RANBP2: variants seen among roughly 807,000 people sequenced by gnomAD.
The protein encoded by RANBP2 is E3 SUMO-protein ligase RanBP2.
Under a neutral mutation model 303.6 loss-of-function variants are expected in RANBP2, and 57 were observed. The observed-to-expected ratio is 0.19, with a 90% confidence interval of 0.15 to 0.23. The LOEUF (loss-of-function observed/expected upper bound fraction) is 0.23, where lower values mean the gene tolerates loss of function less well. RANBP2 is among the 10% of genes least tolerant of loss of function. The probability of loss-of-function intolerance (pLI) is 1.00; values close to 1 mark genes in which losing one functional copy is unlikely to be tolerated. For synonymous variants in RANBP2, 1,167 were observed against 1,301.5 expected (o/e 0.90, Z 2.23); for missense variants, 3,138 against 3,780.8 (o/e 0.83, Z 4.46).
rs535137769 is a variant in RANBP2 at position 108,766,234 on chromosome 2, A to C, written c.5695A>C (p.Lys1899Gln). Residue 1899 changes from lysine to glutamine, a missense_variant, in exon 20 of 29, where the codon AAA (lysine) becomes CAA (glutamine). By Grantham distance (53) the Lys-to-Gln change is moderately conservative. Transcript: ENST00000283195. ...CATCCCTGTGTCTGCTGATGGATTT[A>C]AATTTGGCATTTCGGAACCAGGAAA... Reference protein sequence around the residue: ...FSIPVSADGFKFGISEPGNQE... With the variant: ...FSIPVSADGFQFGISEPGNQE... The C allele has an allele frequency of 4.3e-6, 7 of 1,612,256 alleles. No individual in the cohort carries two copies. In the East Asian group the frequency reaches 1.6e-4, roughly 36 times the overall value.
At chr2:109,022,371 G>A in the RANBP2 span, among the ~76,000 whole-genome samples, 1 of 152,244 alleles carries the variant, frequency 6.6e-6, no homozygotes, top group Non-Finnish European at 1.5e-5. Flanking sequence ...CTCAGGCATC[G>A]TGGCAATTAT....
At chr2:109,448,089 A>G in the RANBP2 span, among the ~76,000 whole-genome samples, 1 of 152,136 alleles carries the variant, frequency 6.6e-6, no homozygotes, top group Non-Finnish European at 1.5e-5. Flanking sequence ...GCTGAGTGAC[A>G]TACCCAGTGT....
At chr2:109,574,649 A>G in the RANBP2 span, 440 of 1,607,042 alleles carry the variant, frequency 2.7e-4, no homozygotes, top group Non-Finnish European at 3.6e-4. Context: ...GGTGAAATGA[A>G]GTAGAGACAC....
At chr2:109,579,966 C>T in the RANBP2 span, among the ~76,000 whole-genome samples, 1 of 151,382 alleles carries the variant, frequency 6.6e-6, no homozygotes, top group East Asian at 2.0e-4. Flanking sequence ...ACTAAAAATA[C>T]AAAAATTAGC....
At chr2:109,546,330 C>T in the RANBP2 span, 255 of 736,832 alleles carry the variant, frequency 3.5e-4, 1 homozygote, top group African/African-American at 4.5e-3. Context: ...CCCCATAGCG[C>T]AACACAGAAT....
At chr2:109,189,172 G>A in the RANBP2 span, among the ~76,000 whole-genome samples, 1 of 151,700 alleles carries the variant, frequency 6.6e-6, no homozygotes, top group Non-Finnish European at 1.5e-5. Context: ...GTGTTTCTTC[G>A]GGGATGGAAA....
the RANBP2 span, among the ~76,000 whole-genome samples, chr2:109,622,721 C>A: frequency 7.2e-5 from 11 of 152,184 alleles, no homozygotes; most frequent in Non-Finnish European, 1.5e-4. Flanking sequence ...GGGCTTAGCC[C>A]ACTTCCACAT....
At chr2:109,256,537 G>C in the RANBP2 span, among the ~76,000 whole-genome samples, 1 of 152,202 alleles carries the variant, frequency 6.6e-6, no homozygotes, top group East Asian at 1.9e-4. Context: ...CACTCCTGGA[G>C]CTTTGAGGGG....
the RANBP2 span, among the ~76,000 whole-genome samples, chr2:109,461,936 C>G: frequency 1.3e-5 from 2 of 152,110 alleles, no homozygotes; most frequent in African/African-American, 2.4e-5. Flanking sequence ...CCCCACTCAC[C>G]TTTTTAACTC....
the RANBP2 span, among the ~76,000 whole-genome samples, chr2:109,664,015 C>T: frequency 6.6e-6 from 1 of 152,134 alleles, no homozygotes; most frequent in South Asian, 2.1e-4. Flanking sequence ...CAGAGACAGC[C>T]CTTCATTCTC....
chr2:109,107,832 T>C, the RANBP2 span, among the ~76,000 whole-genome samples: 14 of 151,780 alleles, frequency 9.2e-5, no homozygotes, highest in Admixed American at 6.6e-4. Flanking sequence ...ATCTCCCGGG[T>C]TCCAGCGATT....
the RANBP2 span, among the ~76,000 whole-genome samples, chr2:109,646,693 A>G: frequency 7.2e-6 from 1 of 138,838 alleles, no homozygotes; most frequent in African/African-American, 2.7e-5. Flanking sequence ...TTTTGTAGAG[A>G]TAGGGTTTCA....
the RANBP2 span, among the ~76,000 whole-genome samples, chr2:109,541,687 T>A: frequency 6.6e-6 from 1 of 152,188 alleles, no homozygotes; most frequent in South Asian, 2.1e-4. Context: ...CACAACATGC[T>A]GTGCCTTGTA....
chr2:108,923,257 CT>C, the RANBP2 span: 5 of 1,064,172 alleles, frequency 4.7e-6, no homozygotes, highest in East Asian at 1.2e-4. Context: ...AGTGCTGTTA[CT>C]GTGATTCACC....
At chr2:109,161,525 G>C in the RANBP2 span, among the ~76,000 whole-genome samples, 1 of 151,892 alleles carries the variant, frequency 6.6e-6, no homozygotes, top group Non-Finnish European at 1.5e-5. Flanking sequence ...CTGGGGAGGG[G>C]AACATGTCTT....
chr2:109,411,134 C>T, the RANBP2 span, among the ~76,000 whole-genome samples: 2 of 152,212 alleles, frequency 1.3e-5, no homozygotes, highest in Non-Finnish European at 2.9e-5. Context: ...GCAAGGAGCC[C>T]TCAAGTCCCT....
At chr2:108,990,596 A>T in the RANBP2 span, among the ~76,000 whole-genome samples, 1 of 152,090 alleles carries the variant, frequency 6.6e-6, no homozygotes, top group Non-Finnish European at 1.5e-5. Context: ...AATCTGTCTC[A>T]AAACAGAAAA....
chr2:108,855,837 A>T, the RANBP2 span, among the ~76,000 whole-genome samples: 1 of 152,354 alleles, frequency 6.6e-6, no homozygotes, highest in East Asian at 1.9e-4. Context: ...AAAAGAGTAA[A>T]TTTTAATACG....
At chr2:108,770,424 T>A (rs1677417443) in intron 20 of RANBP2, among the ~76,000 whole-genome samples, 2 of 152,240 alleles carry the variant, frequency 1.3e-5, no homozygotes, top group Non-Finnish European at 2.9e-5. Flanking sequence ...TGCAGAGCAG[T>A]GTCATCCAGT....
Sources: gnomAD v4.1 joint callset for allele counts (sites outside exome capture counted in the v4.1 genomes callset) on GRCh38, gnomAD v4.1.1 for gene constraint, MANE v1.5 for transcripts, NCBI Gene and HGNC (gene_info 2026-07-23, HGNC 2026-07-21) for gene names.